ARMH3: variants seen among roughly 807,000 people sequenced by gnomAD.
The protein encoded by ARMH3 is armadillo-like helical domain-containing protein 3.
A neutral mutation model predicts 99.1 loss-of-function variants in ARMH3; 60 were observed. That is an observed-to-expected ratio of 0.61 (90% CI 0.49 to 0.75). The LOEUF (loss-of-function observed/expected upper bound fraction) is 0.75. ARMH3 is among the 30% of genes least tolerant of loss of function. The pLI is 0.00. For missense variants in ARMH3, 679 were observed against 843.1 expected (o/e 0.81, Z 2.41); for synonymous variants, 285 against 292.8 (o/e 0.97, Z 0.27).
At chr10:101,861,098 C>T (rs1269825337) in intron 24 of ARMH3, among the ~76,000 whole-genome samples, 1 of 151,884 alleles carries the variant, frequency 6.6e-6, no homozygotes, top group Non-Finnish European at 1.5e-5. Flanking sequence ...ATTTAAAGAG[C>T]TATTATTTTA....
At chr10:102,023,904 GTC>G (rs1231591301) in intron 6 of ARMH3, among the ~76,000 whole-genome samples, 155 bp from the exon 7 acceptor site, 1 of 151,908 alleles carries the variant, frequency 6.6e-6, no homozygotes, top group Admixed American at 6.6e-5. Context: ...AGTCATGAGA[GTC>G]TGAATAGACA....
At chr10:101,920,915 T>A (rs1015929973) in intron 23 of ARMH3, among the ~76,000 whole-genome samples, 1 of 152,264 alleles carries the variant, frequency 6.6e-6, no homozygotes, top group Non-Finnish European at 1.5e-5. Context: ...TACACTATGA[T>A]TCCACTATAA....
At chr10:101,940,061 T>C in intron 22 of ARMH3, 123 bp from the exon 23 acceptor site, 1 of 659,238 alleles carries the variant, frequency 1.5e-6, no homozygotes, top group Non-Finnish European at 2.5e-6. Flanking sequence ...GCCAATCTTC[T>C]GTTAAAAACA....
intron 20 of ARMH3, among the ~76,000 whole-genome samples, chr10:101,958,229 T>C (rs1038121534): frequency 3.3e-5 from 5 of 152,166 alleles, no homozygotes; most frequent in Admixed American, 3.3e-4. Context: ...TATGTACTCC[T>C]CTAGATGAGG....
At chr10:101,905,369 T>A (rs2068078877) in intron 23 of ARMH3, among the ~76,000 whole-genome samples, 1 of 152,206 alleles carries the variant, frequency 6.6e-6, no homozygotes, top group Non-Finnish European at 1.5e-5. Context: ...ATGGTCTCTG[T>A]CCATTTAGTG....
chr10:101,881,538 A>G (rs1385306350), intron 24 of ARMH3, among the ~76,000 whole-genome samples: 1 of 152,206 alleles, frequency 6.6e-6, no homozygotes, highest in Admixed American at 6.5e-5. Flanking sequence ...AACGGTAAGT[A>G]GTGACATGTG....
intron 25 of ARMH3, 125 bp from the exon 26 acceptor site, chr10:101,847,745 T>G: frequency 1.2e-6 from 1 of 832,072 alleles, no homozygotes; most frequent in Non-Finnish European, 2.0e-6. Flanking sequence ...TCTTAGGAAA[T>G]GAACCCTTAA....
intron 22 of ARMH3, among the ~76,000 whole-genome samples, chr10:101,943,252 A>T (rs1564776716): frequency 6.6e-6 from 1 of 152,238 alleles, no homozygotes; most frequent in Admixed American, 6.5e-5. Flanking sequence ...TGATCTATGC[A>T]TATGGAAGAA....
At chr10:101,978,946 T>C (rs996686404) in intron 19 of ARMH3, among the ~76,000 whole-genome samples, 8 of 151,306 alleles carry the variant, frequency 5.3e-5, no homozygotes, top group African/African-American at 1.9e-4. Context: ...TCTCAAAAAA[T>C]AAAATTAAAT....
At chr10:101,947,148 C>T (rs1286583191) in intron 22 of ARMH3, among the ~76,000 whole-genome samples, 1 of 151,826 alleles carries the variant, frequency 6.6e-6, no homozygotes, top group African/African-American at 2.4e-5. Context: ...AATCACCCCA[C>T]TGCACTCCAG....
At chr10:102,001,282 AG>A (rs776858732) in intron 15 of ARMH3, among the ~76,000 whole-genome samples, 2 of 152,164 alleles carry the variant, frequency 1.3e-5, no homozygotes, top group African/African-American at 4.8e-5. Flanking sequence ...AATGCTAAGT[AG>A]GGGAAAAAAA....
intron 1 of ARMH3, among the ~76,000 whole-genome samples, chr10:102,052,702 T>C (rs2067736044): frequency 2.0e-5 from 3 of 152,162 alleles, no homozygotes; most frequent in Admixed American, 2.0e-4. Flanking sequence ...CACTATTAAG[T>C]GGAGGAAGTG....
intron 23 of ARMH3, among the ~76,000 whole-genome samples, chr10:101,891,806 T>C (rs946493627): frequency 6.6e-6 from 1 of 152,060 alleles, no homozygotes; most frequent in Non-Finnish European, 1.5e-5. Flanking sequence ...AAACAGAAAG[T>C]TTATTAAAAT....
intron 1 of ARMH3, among the ~76,000 whole-genome samples, chr10:102,051,856 G>C (rs1041517994): frequency 2.3e-4 from 35 of 152,300 alleles, no homozygotes; most frequent in Admixed American, 1.8e-3. Context: ...ATGAAGATGA[G>C]CTCTCGTTCA....
intron 1 of ARMH3, among the ~76,000 whole-genome samples, chr10:102,054,429 T>TA (rs1251421782): frequency 6.6e-6 from 1 of 150,794 alleles, no homozygotes; most frequent in African/African-American, 2.4e-5. Context: ...TTGTAATACC[T>TA]AAAAGTCCAA....
At chr10:101,955,985 C>A (rs1021728373) in intron 22 of ARMH3, among the ~76,000 whole-genome samples, 3 of 152,170 alleles carry the variant, frequency 2.0e-5, no homozygotes, top group Non-Finnish European at 4.4e-5. Context: ...TGTTTCTGTG[C>A]AATCTACAGA....
chr10:102,014,146 T>C, intron 8 of ARMH3, 122 bp from the exon 9 acceptor site: 1 of 695,952 alleles, frequency 1.4e-6, no homozygotes, highest in Non-Finnish European at 2.4e-6. Context: ...ATGCTCCTGA[T>C]ACACAGTCCC....
intron 4 of ARMH3, among the ~76,000 whole-genome samples, chr10:102,031,826 G>A (rs11599376): frequency 1.5e-3 from 222 of 152,180 alleles, no homozygotes; most frequent in Non-Finnish European, 2.8e-3. Context: ...TGCAAGCTCC[G>A]TCTCCCAGTT....
In ARMH3 at chr10:102,033,339, T is replaced by C; in HGVS notation, c.103A>G (p.Thr35Ala). 6.2e-7 allele frequency: 1 copy of C among 1,613,876 alleles called. No homozygotes were observed. The highest frequency in any genetic ancestry group is 1.1e-5 in the South Asian group (1 of 91,060). Reference sequence around the variant, plus strand: ...GGACTGCACTTACTGGGGTCCTCTGTCTGAAACCAGAATATAAGCACATTC... The same window carrying C: ...GGACTGCACTTACTGGGGTCCTCTGCCTGAAACCAGAATATAAGCACATTC... ...VVLMYDEIFM[T>A]EDPSKCSPRF... The change falls in exon 3 of 26, where the codon ACA becomes GCA. Residue 35 changes from threonine (T) to alanine (A), a missense_variant and splice_region_variant. Transcript: ENST00000370033.
Sources: gnomAD v4.1 joint callset for allele counts (sites outside exome capture counted in the v4.1 genomes callset) on GRCh38, gnomAD v4.1.1 for gene constraint, MANE v1.5 for transcripts, NCBI Gene and HGNC (gene_info 2026-07-23, HGNC 2026-07-21) for gene names.